ESCO1: variants seen among roughly 807,000 people sequenced by gnomAD.
The protein encoded by ESCO1 is establishment of sister chromatid cohesion N-acetyltransferase 1.
Under a neutral mutation model 83.5 loss-of-function variants are expected in ESCO1, and 33 were observed. The observed-to-expected ratio is 0.40, with a 90% CI of 0.30 to 0.53. ESCO1 has a LOEUF of 0.53. ESCO1 is among the 20% of genes least tolerant of loss of function. The pLI is 0.63. For synonymous variants in ESCO1, 332 were observed against 324.3 expected, an observed-to-expected ratio of 1.02 and a Z score of -0.25; for missense variants, 855 against 968.0, an observed-to-expected ratio of 0.88 and a Z score of 1.55.
At chr18:21,589,120 T>C (rs563873718) in intron 1 of ESCO1, among the ~76,000 whole-genome samples, 2 of 151,718 alleles carry the variant, frequency 1.3e-5, no homozygotes, top group African/African-American at 4.8e-5. Context: ...GCATCTGTAA[T>C]CCCAGCTACT....
intron 1 of ESCO1, among the ~76,000 whole-genome samples, chr18:21,591,660 CTTTT>C (rs34643359): frequency 2.1e-5 from 3 of 140,466 alleles, no homozygotes; most frequent in Non-Finnish European, 3.1e-5. Context: ...ACCACAGATG[CTTTT>C]TTTTTTTTTT....
chr18:21,571,052 T>A (rs1018587898), intron 4 of ESCO1, among the ~76,000 whole-genome samples: 3 of 151,938 alleles, frequency 2.0e-5, no homozygotes, highest in African/African-American at 7.2e-5. Context: ...TTTTCAGTAA[T>A]TTTTTTTAAA....
intron 1 of ESCO1, among the ~76,000 whole-genome samples, chr18:21,599,313 A>G (rs1228258557): frequency 6.6e-6 from 1 of 152,240 alleles, no homozygotes; most frequent in Non-Finnish European, 1.5e-5. Context: ...ACTGCAATCC[A>G]GTCTGGGCGA....
rs184586415 is a variant in ESCO1 at position 21,580,127 on chromosome 18, G to A, written c.-694+4183C>T. On this transcript the variant is annotated intron_variant, in intron 2 of 11. Transcript: ENST00000269214. Reference sequence around the variant, plus strand: ...TTGGTCAGGCTGGTCTCGAACTCCTGACTTTAGGTAATCCAACCGCCTCGG... The same window carrying A: ...TTGGTCAGGCTGGTCTCGAACTCCTAACTTTAGGTAATCCAACCGCCTCGG... 6.1e-3 allele frequency among the ~76,000 whole-genome samples: 932 copies of A among 151,990 alleles called. 2 individuals are homozygous for A. Among genetic ancestry groups the A allele is most frequent in the Middle Eastern group, 0.024 (7 of 294 alleles).
At chr18:21,535,983 G>A (rs2037831867) in intron 10 of ESCO1, 59 bp downstream of exon 10, 1 of 1,559,700 alleles carries the variant, frequency 6.4e-7, no homozygotes, top group African/African-American at 1.4e-5. Context: ...TGTTATTTGG[G>A]ATTACGTTGT....
At chr18:21,560,252 A>G (rs1265221306) in intron 8 of ESCO1, among the ~76,000 whole-genome samples, 1 of 152,200 alleles carries the variant, frequency 6.6e-6, no homozygotes, top group South Asian at 2.1e-4. Context: ...AATATTAAAT[A>G]ATACCCATTA....
At chr18:21,560,248 AAAT>A (rs1324804884) in intron 8 of ESCO1, among the ~76,000 whole-genome samples, 2 of 152,112 alleles carry the variant, frequency 1.3e-5, no homozygotes, top group Non-Finnish European at 2.9e-5. Flanking sequence ...CACAAATATT[AAAT>A]AATACCCATT....
intron 1 of ESCO1, among the ~76,000 whole-genome samples, chr18:21,598,633 C>T (rs375044216): frequency 2.0e-5 from 3 of 151,680 alleles, no homozygotes; most frequent in South Asian, 4.2e-4. Context: ...ACCCAGGAGG[C>T]GGAGATTGCA....
chr18:21,593,013 C>T (rs1341457130), intron 1 of ESCO1: 1 of 161,900 alleles, frequency 6.2e-6, no homozygotes, highest in Non-Finnish European at 1.4e-5. Context: ...CAGAGACGCT[C>T]CTCACTTCCT....
intron 1 of ESCO1, among the ~76,000 whole-genome samples, chr18:21,590,384 G>A (rs2038648193): frequency 6.6e-6 from 1 of 151,174 alleles, no homozygotes; most frequent in East Asian, 2.0e-4. Context: ...ACCACACCCA[G>A]CTAATTATTG....
At chr18:21,545,123 TG>T (rs911007231) in intron 8 of ESCO1, among the ~76,000 whole-genome samples, 1 of 152,230 alleles carries the variant, frequency 6.6e-6, no homozygotes, top group African/African-American at 2.4e-5. Context: ...TTGGTTCAGA[TG>T]GGGTCTCACT....
intron 2 of ESCO1, among the ~76,000 whole-genome samples, chr18:21,577,367 A>T (rs1162943022): frequency 6.7e-6 from 1 of 148,256 alleles, no homozygotes; most frequent in African/African-American, 2.5e-5. Context: ...TTTTTAAAAA[A>T]AAAAAAAAAA....
At chr18:21,595,628 G>T (rs1391960399) in intron 1 of ESCO1, among the ~76,000 whole-genome samples, 1 of 148,526 alleles carries the variant, frequency 6.7e-6, no homozygotes, top group Non-Finnish European at 1.5e-5. Flanking sequence ...AGATTGCGCC[G>T]CTGCACTCTA....
intron 8 of ESCO1, among the ~76,000 whole-genome samples, chr18:21,560,459 G>A (rs1167803500): frequency 1.3e-5 from 2 of 151,368 alleles, no homozygotes; most frequent in African/African-American, 4.9e-5. Context: ...AACCTACTTG[G>A]TATAATACCT....
At chr18:21,544,595 C>G (rs539550353) in intron 8 of ESCO1, among the ~76,000 whole-genome samples, 6 of 151,264 alleles carry the variant, frequency 4.0e-5, no homozygotes, top group Admixed American at 3.3e-4. Context: ...TGCCATTGCA[C>G]TGCAGCTTGG....
At chr18:21,587,524 G>C (rs966912110) in intron 1 of ESCO1, among the ~76,000 whole-genome samples, 1 of 152,124 alleles carries the variant, frequency 6.6e-6, no homozygotes, top group African/African-American at 2.4e-5. Flanking sequence ...GCATACCATT[G>C]TTCATATTCC....
chr18:21,566,621 G>A (rs1364826303), intron 5 of ESCO1, among the ~76,000 whole-genome samples: 1 of 152,202 alleles, frequency 6.6e-6, no homozygotes, highest in Non-Finnish European at 1.5e-5. Context: ...AGCACTTTGG[G>A]AGGGCAAGGC....
At position 21,539,937 on chromosome 18, in the gene ESCO1, T is replaced by G. The variant is rs2037883170; in HGVS notation, c.2026A>C (p.Lys676Gln). 2 of 1,613,654 alleles carry G rather than the reference T, an allele frequency of 1.2e-6. No individual in the cohort carries two copies. Among genetic ancestry groups the G allele is most frequent in the Non-Finnish European group, 1.7e-6 (2 of 1,179,806 alleles). Residue 676 changes from lysine to glutamine, a missense_variant, in exon 9 of 12, where the codon AAG (lysine) becomes CAG (glutamine). By Grantham distance (53) the Lys-to-Gln change is moderately conservative. This residue lies in a region of ESCO1 where 129 missense variants were observed against 268.5 expected (regional missense o/e 0.48). Coordinates refer to ENST00000269214, the MANE Select transcript of ESCO1 (RefSeq NM_052911.3). ...AAATTTACCTTTTTCAGGGCATACT[T>G]TGGGTCTTCAGGAAGAACCATTATT... The part of the protein sequence containing the change: ...RIIMVLPEDP[K>Q]YALKKVDEIR...
intron 2 of ESCO1, among the ~76,000 whole-genome samples, chr18:21,577,350 T>TC (rs1413477125): frequency 5.3e-5 from 4 of 74,830 alleles, no homozygotes; most frequent in African/African-American, 2.0e-4. Flanking sequence ...AGAGTGAGAC[T>TC]CCATCTTTTT....
Sources: allele counts gnomAD v4.1 joint callset (sites outside exome capture counted in the v4.1 genomes callset), GRCh38; gene constraint gnomAD v4.1.1; regional missense constraint gnomAD v4.1.1; transcripts MANE v1.5; gene names NCBI Gene and HGNC (gene_info 2026-07-23, HGNC 2026-07-21).